Variants in PHACTR1 observed in about 807,000 individuals in gnomAD.
The protein encoded by PHACTR1 is RPEL repeat containing 1.
PHACTR1 carries 16 observed loss-of-function variants against 69.2 expected under a neutral mutation model. The ratio of observed to expected loss-of-function variants is 0.23; its 90% CI spans 0.16 to 0.35. The LOEUF (loss-of-function observed/expected upper bound fraction) is 0.35. Ranked by LOEUF, PHACTR1 falls within the 10% of genes least tolerant of loss-of-function variation. PHACTR1 has a pLI of 1.00. For synonymous variants in PHACTR1, 312 were observed against 284.5 expected, an observed-to-expected ratio of 1.10 and a Z score of -0.97; for missense variants, 510 against 734.7, an observed-to-expected ratio of 0.69 and a Z score of 3.54.
chr6:13,210,450 T>C (rs1041222636), intron 8 of PHACTR1, among the ~76,000 whole-genome samples: 3 of 152,166 alleles, frequency 2.0e-5, no homozygotes, highest in Non-Finnish European at 4.4e-5. Context: ...TAAAGGGTCA[T>C]ATTTATTCAA....
intron 4 of PHACTR1, among the ~76,000 whole-genome samples, chr6:12,978,284 C>T (rs1199639876): frequency 6.6e-6 from 1 of 152,172 alleles, no homozygotes; most frequent in Non-Finnish European, 1.5e-5. Context: ...CCTGATTTTC[C>T]ATCATCTTAA....
At chr6:13,229,908 A>T in intron 9 of PHACTR1, 129 bp from the exon 10 acceptor site, 1 of 1,093,334 alleles carries the variant, frequency 9.1e-7, no homozygotes, top group East Asian at 2.6e-5. Flanking sequence ...GAACTGAGGC[A>T]TTAACCACTT....
intron 8 of PHACTR1, among the ~76,000 whole-genome samples, chr6:13,224,682 T>C (rs933809995): frequency 6.6e-6 from 1 of 152,130 alleles, no homozygotes; most frequent in African/African-American, 2.4e-5. Context: ...GATGCTGCAT[T>C]TGAGTTGATT....
At chr6:12,836,997 A>G (rs1261614127) in intron 4 of PHACTR1, among the ~76,000 whole-genome samples, 1 of 152,020 alleles carries the variant, frequency 6.6e-6, no homozygotes. Flanking sequence ...CCTCTTTAAA[A>G]CACCAGCCCA....
chr6:13,061,981 C>T (rs1807748077), intron 5 of PHACTR1, among the ~76,000 whole-genome samples: 1 of 152,190 alleles, frequency 6.6e-6, no homozygotes, highest in South Asian at 2.1e-4. Flanking sequence ...CAGGCAGCAG[C>T]TTCAGATACA....
At chr6:12,976,724 A>T (rs1582793037) in intron 4 of PHACTR1, among the ~76,000 whole-genome samples, 1 of 152,060 alleles carries the variant, frequency 6.6e-6, no homozygotes, top group South Asian at 2.1e-4. Flanking sequence ...TCATTCCTTT[A>T]TCTGGTGTCT....
rs1235942233 is a variant in PHACTR1, at chr6:13,269,378, A to G, written c.1392-3482A>G. Among the ~76,000 whole-genome samples the G allele has an allele frequency of 3.3e-5, 5 of 152,340 alleles. 1 individual carries two copies. The South Asian group carries it at 6.2e-4, about 19-fold the overall frequency. ...CTGACACCGGCTCACTCAGTTGCAT[A>G]ATCATCGCTTTCCTCCTGCAGCGTG... On this transcript the variant is annotated intron_variant, in intron 10 of 14. Coordinates refer to ENST00000332995, the MANE Select transcript of PHACTR1 (RefSeq NM_030948.6).
Position 13,206,123 on chromosome 6 carries a change from C to A in PHACTR1, c.973C>A (p.Gln325Lys). 2 of 1,596,760 alleles carry A rather than the reference C, an allele frequency of 1.3e-6. No homozygotes were observed. The highest frequency in any genetic ancestry group is 1.7e-6 in the Non-Finnish European group (2 of 1,169,858). The part of the protein sequence containing the change: ...ELNKTLAMTM[Q>K]RLESSEQRVP... ...CAACAAAACGCTGGCCATGACCATG[C>A]AGAGGCTGGAAAGGTAAAGGTGGGC... The change falls in exon 8 of 15, where the codon CAG (glutamine) becomes AAG (lysine). Residue 325 changes from glutamine (Q) to lysine (K), a missense_variant. Transcript: ENST00000332995.
intron 7 of PHACTR1, among the ~76,000 whole-genome samples, chr6:13,190,190 A>ATT (rs1583823890): frequency 3.4e-5 from 1 of 29,232 alleles, no homozygotes; most frequent in Non-Finnish European, 6.8e-5. Context: ...TGCTCAGCTA[A>ATT]TTTTTGTATT....
At chr6:12,908,904 G>T (rs1464154910) in intron 4 of PHACTR1, among the ~76,000 whole-genome samples, 1 of 152,192 alleles carries the variant, frequency 6.6e-6, no homozygotes, top group Admixed American at 6.5e-5. Context: ...ACCACTGGAT[G>T]ATTTTAAGCC....
Position 13,273,151 on chromosome 6 carries a change from T to G in PHACTR1, c.1447+236T>G. The G allele has an allele frequency of 7.6e-6, 4 of 527,884 alleles. No individual in the cohort carries two copies. In the South Asian group the frequency reaches 1.2e-4, roughly 16 times the overall value. The allele number at this position is 527,884 out of a possible 1,614,324, so 32.7% of individuals were successfully genotyped here. On this transcript the variant is annotated intron_variant, in intron 11 of 14. Coordinates refer to ENST00000332995, the MANE Select transcript of PHACTR1 (RefSeq NM_030948.6). ...CACGGGCGGCAGGCAGAACCTTCCT[T>G]TTAGTGAGTTGTAAAGTCAGAGAGA...
intron 4 of PHACTR1, among the ~76,000 whole-genome samples, chr6:13,016,352 C>CCG (rs1460040496): frequency 4.6e-5 from 7 of 152,220 alleles, no homozygotes. Flanking sequence ...TCATTCATCA[C>CCG]CGAAGAGGCC....
chr6:13,117,942 T>C (rs1311278883), intron 5 of PHACTR1, among the ~76,000 whole-genome samples: 1 of 152,202 alleles, frequency 6.6e-6, no homozygotes, highest in Non-Finnish European at 1.5e-5. Context: ...CTTTTGCTTT[T>C]TACAAGCCGG....
chr6:13,199,242 C>T (rs1229265023), intron 7 of PHACTR1, among the ~76,000 whole-genome samples: 1 of 151,970 alleles, frequency 6.6e-6, no homozygotes, highest in Non-Finnish European at 1.5e-5. Flanking sequence ...AAAAAATTAG[C>T]TGGGCTTGGT....
intron 4 of PHACTR1, among the ~76,000 whole-genome samples, chr6:12,965,802 A>G (rs371742023): frequency 2.2e-4 from 34 of 152,220 alleles, no homozygotes; most frequent in African/African-American, 8.2e-4. Context: ...TTCAGTGTTC[A>G]CAGTGACTTT....
chr6:13,200,949 A>G (rs1254823674), intron 7 of PHACTR1, among the ~76,000 whole-genome samples: 2 of 143,636 alleles, frequency 1.4e-5, no homozygotes, highest in African/African-American at 5.9e-5. Flanking sequence ...GTCTCAAAAA[A>G]AAAAAAAAAG....
At chr6:12,962,902 C>A (rs1025088491) in intron 4 of PHACTR1, among the ~76,000 whole-genome samples, 1 of 152,152 alleles carries the variant, frequency 6.6e-6, no homozygotes, top group African/African-American at 2.4e-5. Context: ...TTCAGTCAGT[C>A]CCCAGCTCTC....
chr6:12,921,487 G>A (rs1051748597), intron 4 of PHACTR1, among the ~76,000 whole-genome samples: 3 of 139,698 alleles, frequency 2.1e-5, no homozygotes, highest in Admixed American at 7.1e-5. Flanking sequence ...AAGGAAGGAG[G>A]GAAGGAAGGA....
At chr6:12,732,104 G>A (rs1213946131) in intron 3 of PHACTR1, among the ~76,000 whole-genome samples, 3 of 151,274 alleles carry the variant, frequency 2.0e-5, no homozygotes, top group Admixed American at 6.6e-5. Context: ...AAACCTGCCC[G>A]AGTCTCCACG....
Sources: allele counts gnomAD v4.1 joint callset (sites outside exome capture counted in the v4.1 genomes callset), GRCh38; gene constraint gnomAD v4.1.1; transcripts MANE v1.5; gene names NCBI Gene and HGNC (gene_info 2026-07-23, HGNC 2026-07-21).